NEDD1: variants seen among roughly 807,000 people sequenced by gnomAD.
The protein encoded by NEDD1 is protein NEDD1.
Under a neutral mutation model 74.0 loss-of-function variants are expected in NEDD1, and 33 were observed. The observed-to-expected ratio is 0.45, with a 90% CI of 0.34 to 0.60. NEDD1 has a LOEUF of 0.60. NEDD1 is among the 20% of genes least tolerant of loss of function. The pLI is 0.01. For synonymous variants in NEDD1, 250 were observed against 264.4 expected, an observed-to-expected ratio of 0.95 and a Z score of 0.53; for missense variants, 746 against 776.5, an observed-to-expected ratio of 0.96 and a Z score of 0.47.
Position 96,937,326 on chromosome 12 carries a change from C to T in NEDD1, c.1050C>T (p.Ala350=). 1.2e-6 allele frequency: 2 copies of T among 1,612,392 alleles called. No homozygotes were observed. Among genetic ancestry groups the T allele is most frequent in the Non-Finnish European group, 1.7e-6 (2 of 1,178,970 alleles). The change falls in exon 9 of 16, where the codon GCC becomes GCT. Residue 350 remains alanine, a synonymous_variant. Transcript: ENST00000266742. ...GAGAAGCACCTGCCACGTCCATTGC[C>T]ACAGTTCTACCACAACCTATGACAT... ...IVREAPATSI[A]TVLPQPMTSA...
chr12:96,951,939 G>T lies in NEDD1; in HGVS notation c.1879-10G>T, dbSNP rs771436431. On this transcript the variant is annotated splice_polypyrimidine_tract_variant and intron_variant, in intron 15 of 15. Coordinates refer to ENST00000266742, the MANE Select transcript of NEDD1 (RefSeq NM_152905.4). ...TCAATAATTTAAAAAGCATTTTCCT[G>T]TTTTTCTAGAATGAAATGCATTCTT... The T allele has an allele frequency of 7.0e-7, 1 of 1,433,890 alleles. No individual in the cohort carries two copies. The highest frequency in any genetic ancestry group is 9.8e-7 in the Non-Finnish European group (1 of 1,021,084). The allele number at this position is 1,433,890 out of a possible 1,614,324, so 88.8% of individuals were successfully genotyped here. A position where few individuals can be genotyped will look rare whatever the true frequency, so the allele number is the denominator to read the frequency against.
chr12:96,915,762 A>T (rs1460585474), intron 4 of NEDD1, among the ~76,000 whole-genome samples: 1 of 152,212 alleles, frequency 6.6e-6, no homozygotes, highest in African/African-American at 2.4e-5. Flanking sequence ...ACTTGACAAC[A>T]TCTGTATTTT....
chr12:96,949,398 T>G (rs1460359103), intron 14 of NEDD1, among the ~76,000 whole-genome samples: 3 of 152,162 alleles, frequency 2.0e-5, no homozygotes, highest in African/African-American at 7.2e-5. Flanking sequence ...GTGAAGATTT[T>G]TGTAGAAAAA....
chr12:96,938,949 T>G (rs531578262), intron 9 of NEDD1, among the ~76,000 whole-genome samples: 3 of 152,112 alleles, frequency 2.0e-5, no homozygotes, highest in Middle Eastern at 3.4e-3. Context: ...CCTTTCTGGG[T>G]CTCATTTTTT....
chr12:96,918,277 GAAAATA>G (rs894455331), intron 5 of NEDD1, among the ~76,000 whole-genome samples: 13 of 151,672 alleles, frequency 8.6e-5, no homozygotes, highest in Admixed American at 3.9e-4. Context: ...TGTAGTTTCA[GAAAATA>G]AAAATATTCA....
At chr12:96,911,754 C>G (rs566118385) in intron 3 of NEDD1, among the ~76,000 whole-genome samples, 1 of 152,164 alleles carries the variant, frequency 6.6e-6, no homozygotes, top group East Asian at 1.9e-4. Context: ...TGGTTTTTCT[C>G]GCTATGGTAA....
At position 96,917,631 on chromosome 12, in the gene NEDD1, CAT is replaced by C. The variant is rs769252963; in HGVS notation, c.243_244del (p.Val83GlnfsTer16). Reference sequence around the variant, plus strand: ...TTTTTTTTTAAATAGCAAAAGCAGACATGTGTCAATTTAAATTCTACATCTAT... The same window carrying C: ...TTTTTTTTTAAATAGCAAAAGCAGACGTGTCAATTTAAATTCTACATCTAT... On this transcript the variant is annotated frameshift_variant, in exon 5 of 16. Coordinates refer to ENST00000266742, the MANE Select transcript of NEDD1 (RefSeq NM_152905.4). LOFTEE classifies it high-confidence loss of function. 2.7e-5 allele frequency: 40 copies of C among 1,485,972 alleles called. No homozygotes were observed. Among genetic ancestry groups the C allele is most frequent in the African/African-American group, 7.4e-5 (5 of 67,252 alleles). 92.0% of individuals were successfully genotyped at this position (1,485,972 alleles called of 1,614,324 possible).
rs775949319 is a variant in NEDD1, at chr12:96,935,064, A to G, written c.578A>G (p.Asn193Ser). Residue 193 changes from asparagine (N) to serine (S), a missense_variant, in exon 7 of 16, where the codon AAT becomes AGT. Asn to Ser is a conservative substitution (Grantham distance 46, BLOSUM62 1). This residue lies in a region of NEDD1 where 706 missense variants were observed against 706.7 expected (regional missense o/e 1.00). Coordinates refer to ENST00000266742, the MANE Select transcript of NEDD1 (RefSeq NM_152905.4). ...GGAATAGTAACTCTCTGGGATGTAA[A>G]TAGTCAGAGTCCATACCATAACTTT... Reference protein sequence around the residue: ...DNGIVTLWDVNSQSPYHNFDS... With the variant: ...DNGIVTLWDVSSQSPYHNFDS... The G allele has an allele frequency of 5.6e-6, 9 of 1,610,284 alleles. No individual in the cohort carries two copies. The highest frequency in any genetic ancestry group is 4.4e-5 in the South Asian group (4 of 91,008).
chr12:96,917,585 T>G (rs1299948222), intron 4 of NEDD1, 36 bp from the exon 5 acceptor site: 2 of 1,480,174 alleles, frequency 1.4e-6, no homozygotes, highest in Non-Finnish European at 1.8e-6. Context: ...TGGGCTCTGT[T>G]AAATTAAGGT....
chr12:96,938,543 A>C (rs1044790936), intron 9 of NEDD1, among the ~76,000 whole-genome samples: 1 of 152,102 alleles, frequency 6.6e-6, no homozygotes, highest in Admixed American at 6.6e-5. Context: ...TAACAAAGAC[A>C]GCATTAATTT....
chr12:96,913,890 AG>A (rs2136514194), intron 4 of NEDD1, among the ~76,000 whole-genome samples: 1 of 152,280 alleles, frequency 6.6e-6, no homozygotes, highest in East Asian at 1.9e-4. Context: ...GGATAGGTAA[AG>A]TAGCCCAATT....
intron 5 of NEDD1, 25 bp downstream of exon 5, chr12:96,917,762 AT>A (rs1158725808): frequency 6.5e-7 from 1 of 1,540,780 alleles, no homozygotes; most frequent in Non-Finnish European, 8.6e-7. Flanking sequence ...AAAAATCTTC[AT>A]GAAAAAATGG....
chr12:96,935,332 A>G, intron 7 of NEDD1, 127 bp downstream of exon 7: 1 of 620,892 alleles, frequency 1.6e-6, no homozygotes, highest in East Asian at 2.7e-5. Context: ...CAGTTGATGG[A>G]TCTAGTAAGA....
At chr12:96,932,463 A>AAAAT in intron 6 of NEDD1, among the ~76,000 whole-genome samples, 2 of 9,440 alleles carry the variant, frequency 2.1e-4, no homozygotes, top group African/African-American at 3.4e-4. Context: ...AAAAAAAAAA[A>AAAAT]ATATATATAT....
At chr12:96,916,812 T>C (rs1874517896) in intron 4 of NEDD1, among the ~76,000 whole-genome samples, 2 of 152,128 alleles carry the variant, frequency 1.3e-5, no homozygotes, top group African/African-American at 4.8e-5. Flanking sequence ...ACCCTACTTA[T>C]GAAGGATGGA....
At chr12:96,909,272 G>C (rs1873650917) in intron 2 of NEDD1, among the ~76,000 whole-genome samples, 1 of 152,136 alleles carries the variant, frequency 6.6e-6, no homozygotes, top group Admixed American at 6.5e-5. Flanking sequence ...TCCCTTACCA[G>C]GTAAGGAAGG....
At chr12:96,928,236 C>T (rs1489544970) in intron 6 of NEDD1, among the ~76,000 whole-genome samples, 1 of 151,952 alleles carries the variant, frequency 6.6e-6, no homozygotes, top group Non-Finnish European at 1.5e-5. Context: ...AGTGATCTAC[C>T]CTGGGTATCC....
At chr12:96,925,583 G>C (rs1875604415) in intron 6 of NEDD1, among the ~76,000 whole-genome samples, 5 of 152,116 alleles carry the variant, frequency 3.3e-5, no homozygotes, top group Admixed American at 3.3e-4. Context: ...AGGGTGAAAA[G>C]CTTCTGGAAA....
intron 4 of NEDD1, among the ~76,000 whole-genome samples, chr12:96,916,230 T>TTTATTATTATTATTATTA (rs140210892): frequency 2.1e-5 from 3 of 145,420 alleles, no homozygotes; most frequent in Non-Finnish European, 1.5e-5. Flanking sequence ...CCGTTGAAGA[T>TTTATTATTATTATTATTA]TTATTATTAT....
Sources: gnomAD v4.1 joint callset for allele counts (sites outside exome capture counted in the v4.1 genomes callset) on GRCh38, gnomAD v4.1.1 for gene constraint, gnomAD v4.1.1 regional missense constraint, MANE v1.5 for transcripts, NCBI Gene and HGNC (gene_info 2026-07-23, HGNC 2026-07-21) for gene names.